CFAP97: variants seen among roughly 807,000 people sequenced by gnomAD.
CFAP97 encodes the protein cilia- and flagella-associated protein 97.
A neutral mutation model predicts 43.1 loss-of-function variants in CFAP97; 36 were observed. That is an observed-to-expected ratio of 0.84 (90% CI 0.64 to 1.10). CFAP97 has a LOEUF of 1.10. Ranked by LOEUF, CFAP97 falls within the 50% of genes least tolerant of loss-of-function variation. The pLI is 0.00. For missense variants in CFAP97, 657 were observed against 620.3 expected (o/e 1.06, Z -0.63); for synonymous variants, 228 against 225.7 (o/e 1.01, Z -0.09).
intron 3 of CFAP97, among the ~76,000 whole-genome samples, chr4:185,171,984 C>G (rs1735322929): frequency 6.6e-6 from 1 of 152,222 alleles, no homozygotes; most frequent in East Asian, 1.9e-4. Context: ...AGGCAACCCT[C>G]CTGCCCTGGC....
intron 3 of CFAP97, chr4:185,169,793 C>T (rs1055043413): frequency 4.3e-5 from 42 of 985,400 alleles, no homozygotes; most frequent in Middle Eastern, 1.0e-3. Flanking sequence ...AGAATCAAGA[C>T]GACTGCTCTC....
At position 185,160,519 on chromosome 4, in the gene CFAP97, T is replaced by C. The variant is rs2111300407; in HGVS notation, c.*2279A>G. The C allele has an allele frequency of 6.6e-6, 1 of 152,238 alleles. No homozygotes were observed. The highest frequency in any genetic ancestry group is 3.4e-3 in the Middle Eastern group (1 of 294). 9.4% of individuals were successfully genotyped at this position (152,238 alleles called of 1,614,324 possible). ...GCATCTTGACTTAGAATATACCACA[T>C]TTTCCAAGTCCTATTTGTCTATTTA... On this transcript the variant is annotated 3_prime_UTR_variant, in exon 5 of 5. Coordinates refer to ENST00000458385, the MANE Select transcript of CFAP97 (RefSeq NM_020827.3).
chr4:185,179,753 G>T (rs1288776627), intron 2 of CFAP97, among the ~76,000 whole-genome samples: 1 of 152,176 alleles, frequency 6.6e-6, no homozygotes, highest in Non-Finnish European at 1.5e-5. Context: ...TCATGCAGTA[G>T]TAGCTGATTA....
rs769438192 is a variant in CFAP97 at position 185,175,907 on chromosome 4, C to G, written c.1199G>C (p.Arg400Thr). 1 of 1,613,926 alleles carries G rather than the reference C, an allele frequency of 6.2e-7. No individual in the cohort carries two copies. Among genetic ancestry groups the G allele is most frequent in the Non-Finnish European group, 8.5e-7 (1 of 1,179,890 alleles). ...ENQRLLKELS[R>T]QAEKPGSKST... is the part of the protein sequence containing the mutation. ...TTTGCTTCCCGGCTTTTCCGCCTGT[C>G]TTGACAGTTCTTTCAAAAGCCTCTG... Residue 400 changes from arginine to threonine, a missense_variant, in exon 3 of 5, where the codon AGA becomes ACA. Physicochemically the swap from Arg to Thr is moderately conservative, Grantham distance 71. Coordinates refer to ENST00000458385, the MANE Select transcript of CFAP97 (RefSeq NM_020827.3).
chr4:185,201,874 T>G (rs1271142375), intron 1 of CFAP97, among the ~76,000 whole-genome samples: 2 of 152,220 alleles, frequency 1.3e-5, no homozygotes, highest in South Asian at 2.1e-4. Flanking sequence ...CAGTTTATCA[T>G]CTTTTAAACA....
intron 3 of CFAP97, among the ~76,000 whole-genome samples, chr4:185,168,540 G>C (rs1735160980): frequency 6.6e-6 from 1 of 152,074 alleles, no homozygotes; most frequent in Non-Finnish European, 1.5e-5. Flanking sequence ...CTGGGAGGCA[G>C]AGGCAGAGTG....
intron 2 of CFAP97, 42 bp downstream of exon 2, chr4:185,190,101 A>G (rs1425996797): frequency 7.0e-7 from 1 of 1,418,816 alleles, no homozygotes; most frequent in South Asian, 1.4e-5. Context: ...TGCCCAATAT[A>G]TAATATTTAA....
At chr4:185,192,374 A>G (rs1187200581) in intron 1 of CFAP97, among the ~76,000 whole-genome samples, 2 of 152,226 alleles carry the variant, frequency 1.3e-5, no homozygotes, top group African/African-American at 4.8e-5. Flanking sequence ...TATATTATTC[A>G]GACACATGGA....
chr4:185,161,124 T>C lies in CFAP97; in HGVS notation c.*1674A>G, dbSNP rs1380249498. 2.0e-5 allele frequency: 3 copies of C among 152,132 alleles called. No individual in the cohort carries two copies. Among genetic ancestry groups the C allele is most frequent in the Non-Finnish European group, 4.4e-5 (3 of 68,020 alleles). The allele number at this position is 152,132 out of a possible 1,614,324, so 9.4% of individuals were successfully genotyped here. ...AAAAGAAAATAAAGCCTTGGTTTAG[T>C]ATAGCTCAAGCTTATATACACAGCA... On this transcript the variant is annotated 3_prime_UTR_variant, in exon 5 of 5. Coordinates refer to ENST00000458385, the MANE Select transcript of CFAP97 (RefSeq NM_020827.3).
chr4:185,199,541 A>G (rs1736726663), intron 1 of CFAP97, among the ~76,000 whole-genome samples: 1 of 151,442 alleles, frequency 6.6e-6, no homozygotes, highest in Non-Finnish European at 1.5e-5. Context: ...GCTAATTTTT[A>G]TATTAATAGT....
At chr4:185,172,808 G>A (rs1735353207) in intron 3 of CFAP97, among the ~76,000 whole-genome samples, 1 of 140,316 alleles carries the variant, frequency 7.1e-6, no homozygotes, top group Non-Finnish European at 1.5e-5. Flanking sequence ...GAGGTCAGGA[G>A]TCTGAGACCA....
intron 1 of CFAP97, among the ~76,000 whole-genome samples, chr4:185,203,101 A>C (rs1403130347): frequency 6.6e-6 from 1 of 151,834 alleles, no homozygotes; most frequent in African/African-American, 2.4e-5. Context: ...TTGGGAGGCC[A>C]AGACAGGAGG....
intron 1 of CFAP97, among the ~76,000 whole-genome samples, chr4:185,200,039 C>G (rs367696472): frequency 6.6e-6 from 1 of 152,198 alleles, no homozygotes; most frequent in South Asian, 2.1e-4. Flanking sequence ...ATTCCTCTGA[C>G]GGATCTGAGC....
intron 1 of CFAP97, among the ~76,000 whole-genome samples, chr4:185,198,985 T>G (rs1193294042): frequency 1.3e-5 from 2 of 152,192 alleles, no homozygotes; most frequent in African/African-American, 2.4e-5. Flanking sequence ...ATACCTGGTC[T>G]CAACACTTCA....
At position 185,161,381 on chromosome 4, in the gene CFAP97, A is replaced by C. The variant is rs1334828702; in HGVS notation, c.*1417T>G. On this transcript the variant is annotated 3_prime_UTR_variant, in exon 5 of 5. Transcript: ENST00000458385. Reference sequence around the variant, plus strand: ...TAACACCTTACTGTTAAAGGTGCTAAGGAAAAAAGCATTCAGCATACATGC... The same window carrying C: ...TAACACCTTACTGTTAAAGGTGCTACGGAAAAAAGCATTCAGCATACATGC... The C allele has an allele frequency of 2.6e-5, 4 of 152,252 alleles. No individual in the cohort carries two copies. The East Asian group carries it at 7.7e-4, about 29-fold the overall frequency. 9.4% of individuals were successfully genotyped at this position (152,252 alleles called of 1,614,324 possible).
chr4:185,179,857 AATTG>A (rs1219376633), intron 2 of CFAP97, among the ~76,000 whole-genome samples: 3 of 152,184 alleles, frequency 2.0e-5, no homozygotes, highest in African/African-American at 7.2e-5. Context: ...ATTTGGTTTA[AATTG>A]ATTATCAATG....
At chr4:185,189,980 A>G (rs905504658) in intron 2 of CFAP97, among the ~76,000 whole-genome samples, 163 bp downstream of exon 2, 1 of 152,246 alleles carries the variant, frequency 6.6e-6, no homozygotes, top group Non-Finnish European at 1.5e-5. Flanking sequence ...GATATTCTAG[A>G]TATTTTTATG....
chr4:185,181,629 T>C (rs1735794527), intron 2 of CFAP97, among the ~76,000 whole-genome samples: 2 of 152,202 alleles, frequency 1.3e-5, no homozygotes, highest in Admixed American at 1.3e-4. Context: ...CCAGCCGGCA[T>C]AGTCTTAGTG....
At chr4:185,171,144 T>C (rs1324455488) in intron 3 of CFAP97, among the ~76,000 whole-genome samples, 4 of 152,154 alleles carry the variant, frequency 2.6e-5, no homozygotes, top group African/African-American at 9.7e-5. Context: ...ATTTGTTTGT[T>C]TCAATTTTTC....
Sources: allele counts gnomAD v4.1 joint callset (sites outside exome capture counted in the v4.1 genomes callset), GRCh38; gene constraint gnomAD v4.1.1; transcripts MANE v1.5; gene names NCBI Gene and HGNC (gene_info 2026-07-23, HGNC 2026-07-21).